CWH43: variants seen among roughly 807,000 people sequenced by gnomAD.
CWH43 encodes cell wall biogenesis 43 C-terminal homolog, also known as PGAP2-interacting protein.
A neutral mutation model predicts 85.7 loss-of-function variants in CWH43; 91 were observed. That is an observed-to-expected ratio of 1.06 (90% confidence interval 0.90 to 1.26). CWH43 has a LOEUF of 1.26. CWH43 is among the 50% of genes most tolerant of loss of function. CWH43 has a pLI of 0.00. For missense variants in CWH43, 869 were observed against 839.2 expected, an observed-to-expected ratio of 1.04 and a Z score of -0.44; for synonymous variants, 323 against 293.6, an observed-to-expected ratio of 1.10 and a Z score of -1.02.
At chr4:49,039,458 C>A in intron 13 of CWH43, among the ~76,000 whole-genome samples, 2 of 133,676 alleles carry the variant, frequency 1.5e-5, no homozygotes, top group Middle Eastern at 4.4e-3. Flanking sequence ...TACTATAATG[C>A]CAAATGAATT....
chr4:49,034,577 CAAT>C (rs932742099), intron 12 of CWH43, among the ~76,000 whole-genome samples: 1 of 152,080 alleles, frequency 6.6e-6, no homozygotes, highest in Non-Finnish European at 1.5e-5. Flanking sequence ...TCATTTGATT[CAAT>C]AATAATGACA....
intron 9 of CWH43, among the ~76,000 whole-genome samples, chr4:49,021,716 G>T (rs1783756389): frequency 6.6e-6 from 1 of 152,074 alleles, no homozygotes; most frequent in South Asian, 2.1e-4. Flanking sequence ...TGTCATCTAA[G>T]ATTTCTTTCA....
In CWH43 at chr4:48,994,717, A is replaced by C; in HGVS notation, c.610A>C (p.Ser204Arg). ...GCTGCTGGCAGGGGCTGCTTTTGGTAGCCTTGTGTTCCTCACCCACTGGGT... is the reference window on the plus strand; with the variant it reads ...GCTGCTGGCAGGGGCTGCTTTTGGTCGCCTTGTGTTCCTCACCCACTGGGT... ...NWLLAGAAFG[S>R]LVFLTHWVFG... Residue 204 changes from serine to arginine, a missense_variant, in exon 5 of 16, where the codon AGC becomes CGC. This residue lies in a region of CWH43 where 152 missense variants were observed against 203.6 expected (regional missense o/e 0.75). Transcript: ENST00000226432. 6.2e-7 allele frequency: 1 copy of C among 1,614,188 alleles called. No individual in the cohort carries two copies. The highest frequency in any genetic ancestry group is 8.5e-7 in the Non-Finnish European group (1 of 1,180,028).
intron 15 of CWH43, among the ~76,000 whole-genome samples, chr4:49,056,018 C>A (rs13151871): frequency 0.98 from 140,373 of 143,344 alleles, 68,814 homozygotes; most frequent in Middle Eastern, 1. Context: ...GCACCCACTA[C>A]TGTGTCATCT....
intron 14 of CWH43, among the ~76,000 whole-genome samples, chr4:49,047,719 A>C (rs181986887): frequency 2.0e-5 from 3 of 151,700 alleles, no homozygotes; most frequent in East Asian, 3.9e-4. Flanking sequence ...GGAAGGAGAG[A>C]GTGTGTGGGC....
At chr4:49,018,049 A>C (rs1783617395) in intron 9 of CWH43, among the ~76,000 whole-genome samples, 1 of 151,668 alleles carries the variant, frequency 6.6e-6, no homozygotes, top group East Asian at 1.9e-4. Context: ...CATGTTGGCC[A>C]GGATGGTCTT....
intron 8 of CWH43, among the ~76,000 whole-genome samples, chr4:49,014,228 G>A (rs147040512): frequency 3.7e-4 from 56 of 152,208 alleles, no homozygotes; most frequent in African/African-American, 1.3e-3. Context: ...CAAGGCAGGA[G>A]GATTGCTTGG....
At chr4:49,052,576 G>A (rs568178710) in intron 15 of CWH43, among the ~76,000 whole-genome samples, 2 of 152,248 alleles carry the variant, frequency 1.3e-5, no homozygotes, top group East Asian at 3.9e-4. Context: ...AGAAGAAAAG[G>A]ATTTTCTTGT....
At chr4:49,033,538 C>T (rs1029085042) in intron 12 of CWH43, among the ~76,000 whole-genome samples, 2 of 152,030 alleles carry the variant, frequency 1.3e-5, no homozygotes, top group Non-Finnish European at 2.9e-5. Flanking sequence ...GAGACAAGCA[C>T]GTGAAGTTAA....
In CWH43 at chr4:48,988,467, T is replaced by G; in HGVS notation, c.44-10T>G. On this transcript the variant is annotated splice_polypyrimidine_tract_variant and intron_variant, in intron 1 of 15. Transcript: ENST00000226432. ...ACACTTTCTCTCTTTAACTTTTTTT[T>G]TTTTTGTAGGATGTGTTTCTTGGTC... 2 of 1,559,570 alleles carry G rather than the reference T, an allele frequency of 1.3e-6. No individual in the cohort carries two copies. The highest frequency in any genetic ancestry group is 1.4e-5 in the African/African-American group (1 of 71,686).
chr4:48,988,584 T>C lies in CWH43; in HGVS notation c.151T>C (p.Ser51Pro). 6.2e-7 allele frequency: 1 copy of C among 1,613,558 alleles called. No homozygotes were observed. Among genetic ancestry groups the C allele is most frequent in the Non-Finnish European group, 8.5e-7 (1 of 1,179,526 alleles). Residue 51 changes from serine to proline, a missense_variant, in exon 2 of 16, where the codon TCT becomes CCT. Coordinates refer to ENST00000226432, the MANE Select transcript of CWH43 (RefSeq NM_025087.3). ...GLEGFSIAFL[S>P]PIFLTITPFW... ...TGAAGGTTTTAGTATAGCATTTCTT[T>C]CTCCAATATTCCTAACAATTACTCC...
chr4:49,031,270 T>G (rs1409157773), intron 11 of CWH43: 1 of 246,192 alleles, frequency 4.1e-6, no homozygotes, highest in Non-Finnish European at 7.7e-6. Flanking sequence ...AAAATCAACA[T>G]GTACACAAAA....
At chr4:49,049,944 A>C (rs1426204213) in intron 14 of CWH43, among the ~76,000 whole-genome samples, 1 of 152,192 alleles carries the variant, frequency 6.6e-6, no homozygotes, top group East Asian at 1.9e-4. Flanking sequence ...CCCTACTAGA[A>C]TGAAAGTTCC....
chr4:49,038,029 T>G lies in CWH43; in HGVS notation c.1659-7T>G, dbSNP rs903664968. 5.7e-6 allele frequency: 9 copies of G among 1,591,104 alleles called. No homozygotes were observed. Among genetic ancestry groups the G allele is most frequent in the Non-Finnish European group, 6.8e-6 (8 of 1,172,676 alleles). On this transcript the variant is annotated splice_region_variant and splice_polypyrimidine_tract_variant and intron_variant, in intron 12 of 15. Transcript: ENST00000226432. ...ACAATAAAGGGTCATATTTTTACATTTTTTAGAGATGACCTCGACAGGAAA... is the reference window on the plus strand; with the variant it reads ...ACAATAAAGGGTCATATTTTTACATGTTTTAGAGATGACCTCGACAGGAAA...
At chr4:49,058,010 G>A (rs1785020616) in intron 15 of CWH43, among the ~76,000 whole-genome samples, 2 of 151,818 alleles carry the variant, frequency 1.3e-5, no homozygotes, top group South Asian at 4.2e-4. Context: ...GCTAAAGTGA[G>A]TTTTTTTTAT....
chr4:49,044,732 G>C, intron 13 of CWH43, 54 bp from the exon 14 acceptor site: 1 of 1,443,712 alleles, frequency 6.9e-7, no homozygotes, highest in South Asian at 1.2e-5. Flanking sequence ...TGGCAATGTG[G>C]AATAGAGCTT....
At position 49,003,805 on chromosome 4, in the gene CWH43, C is replaced by T. The variant is rs1309440968; in HGVS notation, c.873C>T (p.Ala291=). Residue 291 remains alanine (A), a synonymous_variant, in exon 7 of 16, where the codon GCC becomes GCT. Transcript: ENST00000226432. ...CTGCTGTGTCTGGCTGTGTCTTCGC[C>T]ATCTTTACTGCATCCATGTGGCCCC... ...WAAAVSGCVF[A]IFTASMWPQT... is the part of the protein sequence containing the mutation. 1 of 1,614,024 alleles carries T rather than the reference C, an allele frequency of 6.2e-7. No homozygotes were observed. Among genetic ancestry groups the T allele is most frequent in the South Asian group, 1.1e-5 (1 of 91,088 alleles).
intron 6 of CWH43, among the ~76,000 whole-genome samples, chr4:49,000,464 G>A (rs189403472): frequency 6.6e-6 from 1 of 152,278 alleles, no homozygotes; most frequent in East Asian, 1.9e-4. Context: ...CTTCTCATCA[G>A]AGAGTTTATT....
chr4:49,030,817 CT>C lies in CWH43; in HGVS notation c.1373-7del. ...ATCACTGTATGCTACTTTTTTTTTTCTGAACAGGTGCAGATTTCATAACAAT... is the reference window on the plus strand; with the variant it reads ...ATCACTGTATGCTACTTTTTTTTTTCGAACAGGTGCAGATTTCATAACAAT... On this transcript the variant is annotated splice_region_variant and splice_polypyrimidine_tract_variant and intron_variant, in intron 10 of 15. Coordinates refer to ENST00000226432, the MANE Select transcript of CWH43 (RefSeq NM_025087.3). The C allele has an allele frequency of 6.5e-7, 1 of 1,532,554 alleles. No homozygotes were observed. Among genetic ancestry groups the C allele is most frequent in the African/African-American group, 1.4e-5 (1 of 69,594 alleles). 94.9% of individuals were successfully genotyped at this position (1,532,554 alleles called of 1,614,324 possible).
Sources: gnomAD v4.1 joint callset for allele counts (sites outside exome capture counted in the v4.1 genomes callset) on GRCh38, gnomAD v4.1.1 for gene constraint, gnomAD v4.1.1 regional missense constraint, MANE v1.5 for transcripts, NCBI Gene and HGNC (gene_info 2026-07-23, HGNC 2026-07-21) for gene names.